Variants in CTBP2 observed in about 807,000 individuals in gnomAD.
The protein encoded by CTBP2 is C-terminal binding protein 2.
In CTBP2, 30 loss-of-function variants were observed where a neutral mutation model predicts 80.3. The ratio of observed to expected loss-of-function variants is 0.37; its 90% CI spans 0.28 to 0.51. The LOEUF (loss-of-function observed/expected upper bound fraction) is 0.51. Ranked by LOEUF, CTBP2 falls within the 20% of genes least tolerant of loss-of-function variation. The pLI, the probability that CTBP2 is intolerant of heterozygous loss-of-function variation, is 0.93. For missense variants in CTBP2, 1,212 were observed against 1,375.3 expected, an observed-to-expected ratio of 0.88 and a Z score of 1.88; for synonymous variants, 594 against 587.4, an observed-to-expected ratio of 1.01 and a Z score of -0.16.
chr10:125,125,748 A>G (rs572720737), intron 1 of CTBP2, among the ~76,000 whole-genome samples: 2 of 152,360 alleles, frequency 1.3e-5, no homozygotes, highest in African/African-American at 4.8e-5. Flanking sequence ...GTACCTCGGT[A>G]GCAGAGACGA....
At chr10:125,018,843 C>A (rs72830836) in intron 1 of CTBP2, among the ~76,000 whole-genome samples, 1 of 152,230 alleles carries the variant, frequency 6.6e-6, no homozygotes, top group Non-Finnish European at 1.5e-5. Context: ...AGGGTTCCTA[C>A]TCTTGCCCCT....
chr10:125,134,686 C>G (rs1856690320), intron 1 of CTBP2, among the ~76,000 whole-genome samples: 1 of 152,182 alleles, frequency 6.6e-6, no homozygotes, highest in South Asian at 2.1e-4. Context: ...CGAAGAGAAC[C>G]TGACCAATGA....
At chr10:125,057,092 G>C (rs1590387714) in intron 2 of CTBP2, among the ~76,000 whole-genome samples, 1 of 152,350 alleles carries the variant, frequency 6.6e-6, no homozygotes, top group South Asian at 2.1e-4. Context: ...GGGCAGGAGG[G>C]AGACAGCAAG....
At chr10:125,008,703 C>A (rs1955532226) in intron 1 of CTBP2, among the ~76,000 whole-genome samples, 1 of 152,252 alleles carries the variant, frequency 6.6e-6, no homozygotes, top group East Asian at 1.9e-4. Context: ...TCTTCAAAGA[C>A]TTTCCTCCCC....
chr10:125,089,238 G>A (rs898935217), intron 2 of CTBP2, among the ~76,000 whole-genome samples: 21 of 152,328 alleles, frequency 1.4e-4, no homozygotes, highest in Middle Eastern at 6.8e-3. Flanking sequence ...TTTTTCATAA[G>A]TGTAAAGGAA....
chr10:124,994,998 T>A (rs551023384), intron 4 of CTBP2, among the ~76,000 whole-genome samples: 3 of 152,264 alleles, frequency 2.0e-5, no homozygotes, highest in Non-Finnish European at 4.4e-5. Flanking sequence ...CAAGCCCACA[T>A]GCCCCTCCCA....
chr10:125,086,613 TAA>T (rs66522424), intron 2 of CTBP2, among the ~76,000 whole-genome samples: 11 of 116,450 alleles, frequency 9.4e-5, no homozygotes, highest in African/African-American at 2.0e-4. Flanking sequence ...AAATTTTATT[TAA>T]AAAAAAAAAA....
chr10:125,064,524 C>CT (rs1381541034), intron 2 of CTBP2, among the ~76,000 whole-genome samples: 8 of 152,110 alleles, frequency 5.3e-5, no homozygotes, highest in African/African-American at 1.7e-4. Context: ...AGCCCCAACT[C>CT]TAAGAATTTC....
intron 1 of CTBP2, among the ~76,000 whole-genome samples, chr10:125,006,718 C>T (rs1955291048): frequency 6.6e-6 from 1 of 152,204 alleles, no homozygotes; most frequent in African/African-American, 2.4e-5. Flanking sequence ...ATGTAACTGA[C>T]ACACAGAGTA....
rs1220578023 is a variant in CTBP2, at chr10:124,988,918, C to G, written c.*600G>C. 2 of 147,832 alleles carry G rather than the reference C, an allele frequency of 1.4e-5. No homozygotes were observed. The highest frequency in any genetic ancestry group is 3.0e-5 in the Non-Finnish European group (2 of 67,502). The allele number at this position is 147,832 out of a possible 1,614,324, so 9.2% of individuals were successfully genotyped here. A position where few individuals can be genotyped will look rare whatever the true frequency, so the allele number is the denominator to read the frequency against. ...TTTTTTGCATCATCAGAGGGTTTTACTGAACTTACAACCGACTTGCCCGCT... is the reference window on the plus strand; with the variant it reads ...TTTTTTGCATCATCAGAGGGTTTTAGTGAACTTACAACCGACTTGCCCGCT... On this transcript the variant is annotated 3_prime_UTR_variant, in exon 9 of 9. Transcript: ENST00000309035.
chr10:125,119,962 G>A (rs938240427), intron 1 of CTBP2, among the ~76,000 whole-genome samples: 2 of 152,210 alleles, frequency 1.3e-5, no homozygotes, highest in Non-Finnish European at 2.9e-5. Context: ...CGTGGCTGCT[G>A]TACTACAAAG....
At chr10:125,061,587 T>C (rs1450277103) in intron 2 of CTBP2, among the ~76,000 whole-genome samples, 7 of 152,040 alleles carry the variant, frequency 4.6e-5, no homozygotes, top group Non-Finnish European at 1.0e-4. Context: ...AGACACCAGG[T>C]GATCTGGGTA....
chr10:125,033,871 A>G (rs1306428637), intron 3 of CTBP2, among the ~76,000 whole-genome samples: 1 of 152,094 alleles, frequency 6.6e-6, no homozygotes, highest in East Asian at 1.9e-4. Flanking sequence ...TCATCGATGG[A>G]GACAGGGCAC....
chr10:125,022,064 C>T (rs952468305), intron 1 of CTBP2, among the ~76,000 whole-genome samples: 6 of 152,366 alleles, frequency 3.9e-5, no homozygotes, highest in Admixed American at 3.9e-4. Flanking sequence ...ACCAGTCAGG[C>T]CCTTAGCTGC....
At chr10:125,090,923 G>A (rs1848672605) in intron 2 of CTBP2, among the ~76,000 whole-genome samples, 1 of 152,034 alleles carries the variant, frequency 6.6e-6, no homozygotes, top group African/African-American at 2.4e-5. Context: ...TATAAAACAG[G>A]TACTATTATT....
intron 2 of CTBP2, among the ~76,000 whole-genome samples, chr10:125,076,819 C>T (rs1346494911): frequency 6.6e-6 from 1 of 152,176 alleles, no homozygotes; most frequent in Non-Finnish European, 1.5e-5. Flanking sequence ...TACGTATTTC[C>T]CTATTTCATC....
At chr10:125,084,869 G>A (rs571774996) in intron 2 of CTBP2, among the ~76,000 whole-genome samples, 13 of 152,156 alleles carry the variant, frequency 8.5e-5, no homozygotes, top group Admixed American at 3.9e-4. Context: ...TTTGGCCTTC[G>A]CCACCTGTTA....
chr10:125,008,261 T>C (rs7901528), intron 1 of CTBP2, among the ~76,000 whole-genome samples: 24,124 of 152,212 alleles, frequency 0.16, 2,887 homozygotes, highest in African/African-American at 0.32. Flanking sequence ...CTGGCCTCTT[T>C]TTTTAAAACG....
chr10:125,114,253 G>A (rs958701814), intron 1 of CTBP2, among the ~76,000 whole-genome samples: 12 of 152,300 alleles, frequency 7.9e-5, no homozygotes, highest in African/African-American at 2.9e-4. Flanking sequence ...CCAAGTTCAC[G>A]TGGCTGCTTC....
Sources: gnomAD v4.1 joint callset for allele counts (sites outside exome capture counted in the v4.1 genomes callset) on GRCh38, gnomAD v4.1.1 for gene constraint, MANE v1.5 for transcripts, NCBI Gene and HGNC (gene_info 2026-07-23, HGNC 2026-07-21) for gene names.